KRABD3: variants seen among roughly 807,000 people sequenced by gnomAD.
KRABD3 encodes KRAB domain containing 3, also known as KRAB domain-containing protein 3.
the KRABD3 span, chr7:149,733,584 A>C: frequency 6.3e-7 from 1 of 1,599,392 alleles, no homozygotes; most frequent in Non-Finnish European, 8.5e-7. Context: ...TACTGGAGGC[A>C]GAAGGGACCC....
the KRABD3 span, chr7:149,728,428 C>T: frequency 7.1e-7 from 1 of 1,411,150 alleles, no homozygotes. Flanking sequence ...CCCTGTGACC[C>T]CCCTTCCCTG....
chr7:149,717,921 C>A, the KRABD3 span, among the ~76,000 whole-genome samples: 13 of 152,186 alleles, frequency 8.5e-5, no homozygotes, highest in Non-Finnish European at 1.8e-4. Context: ...GCCTCAGCCT[C>A]CCAAGTAGCT....
chr7:149,724,770 T>C, the KRABD3 span: 1 of 1,580,950 alleles, frequency 6.3e-7, no homozygotes. Context: ...CCTGTCAGCC[T>C]GGCAGGCAGC....
At chr7:149,732,665 T>C in the KRABD3 span, among the ~76,000 whole-genome samples, 36 of 151,824 alleles carry the variant, frequency 2.4e-4, no homozygotes, top group African/African-American at 6.1e-4. The surrounding 1 kb of genome is among the most constrained non-coding windows in gnomAD (Gnocchi z 4.0). Context: ...AACTTCTCAA[T>C]AGGGAGAGTA....
chr7:149,730,561 C>CGGTGCAG, the KRABD3 span: 1 of 1,611,674 alleles, frequency 6.2e-7, no homozygotes, highest in Non-Finnish European at 8.5e-7. Flanking sequence ...GCAGCGGCCT[C>CGGTGCAG]GGTGCAGGTG....
At chr7:149,721,755 C>A in the KRABD3 span, 4 of 698,816 alleles carry the variant, frequency 5.7e-6, no homozygotes, top group Non-Finnish European at 1.0e-5. Context: ...CCCTGGGGAG[C>A]CTGTCATCCC....
At chr7:149,724,634 A>G in the KRABD3 span, 1 of 1,500,228 alleles carries the variant, frequency 6.7e-7, no homozygotes, top group South Asian at 1.3e-5. Flanking sequence ...TGGGCTTCCC[A>G]ATGGCCTCCT....
the KRABD3 span, chr7:149,726,204 G>A: frequency 1.4e-6 from 1 of 727,440 alleles, no homozygotes; most frequent in Non-Finnish European, 2.2e-6. Flanking sequence ...GCAGATGCGG[G>A]ACTTATCTTG....
the KRABD3 span, chr7:149,720,933 A>G: frequency 3.7e-6 from 6 of 1,613,748 alleles, no homozygotes; most frequent in Non-Finnish European, 5.1e-6. Flanking sequence ...CGCTATGGAC[A>G]GCCCCGAGAG....
the KRABD3 span, among the ~76,000 whole-genome samples, chr7:149,731,429 T>G: frequency 6.6e-6 from 1 of 152,146 alleles, no homozygotes; most frequent in Admixed American, 6.5e-5. Flanking sequence ...TTTTCCCAGC[T>G]GCCTCCCCAG....
chr7:149,716,008 A>G, the KRABD3 span, among the ~76,000 whole-genome samples: 2 of 152,158 alleles, frequency 1.3e-5, no homozygotes, highest in African/African-American at 4.8e-5. Flanking sequence ...TCCTCACACT[A>G]CGTAGCTTCA....
the KRABD3 span, chr7:149,715,440 C>A: frequency 1.2e-6 from 1 of 853,484 alleles, no homozygotes; most frequent in Non-Finnish European, 1.4e-6. Flanking sequence ...ATAGAACAAA[C>A]CCCAAGTTTT....
chr7:149,732,140 G>C, the KRABD3 span, among the ~76,000 whole-genome samples: 1 of 152,190 alleles, frequency 6.6e-6, no homozygotes, highest in South Asian at 2.1e-4. This position sits in a 1 kb window ranked among gnomAD's most constrained non-coding sequence, Gnocchi z 4.0. Context: ...CATGCAGGGG[G>C]CCTGGCACCT....
the KRABD3 span, chr7:149,715,332 A>G: frequency 8.3e-7 from 1 of 1,210,282 alleles, no homozygotes; most frequent in African/African-American, 1.6e-5. Flanking sequence ...TAGAGTGGGC[A>G]TGAAGGCCTC....
At chr7:149,721,409 C>T in the KRABD3 span, 16 of 1,609,644 alleles carry the variant, frequency 9.9e-6, no homozygotes, top group Admixed American at 6.7e-5. Flanking sequence ...CTGCCCTCTC[C>T]GAGGCCTGCT....
At chr7:149,726,671 C>T in the KRABD3 span, among the ~76,000 whole-genome samples, 1 of 152,088 alleles carries the variant, frequency 6.6e-6, no homozygotes, top group African/African-American at 2.4e-5. Context: ...CTCCTGACCA[C>T]AGGCAATCTG....
At chr7:149,730,709 G>A in the KRABD3 span, 80 of 1,096,548 alleles carry the variant, frequency 7.3e-5, no homozygotes, top group Non-Finnish European at 9.8e-5. Context: ...TTAGTTCCCT[G>A]TAAGGTGAGC....
At chr7:149,731,517 C>CGCGG in the KRABD3 span, among the ~76,000 whole-genome samples, 1 of 152,240 alleles carries the variant, frequency 6.6e-6, no homozygotes, top group Admixed American at 6.5e-5. Context: ...GCCCTGCCAC[C>CGCGG]AGAATTAGGC....
At chr7:149,720,941 G>A in the KRABD3 span, 1 of 1,613,670 alleles carries the variant, frequency 6.2e-7, no homozygotes, top group Non-Finnish European at 8.5e-7. Flanking sequence ...ACAGCCCCGA[G>A]AGCGAGAGCC....
Sources: gnomAD v4.1 joint callset for allele counts (sites outside exome capture counted in the v4.1 genomes callset) on GRCh38, gnomAD v4.1.1 for gene constraint, Gnocchi (gnomAD v3.1) non-coding constraint, MANE v1.5 for transcripts, NCBI Gene and HGNC (gene_info 2026-07-23, HGNC 2026-07-21) for gene names.